TSPEAR: variants seen among roughly 807,000 people sequenced by gnomAD.
TSPEAR encodes the protein thrombospondin-type laminin G domain and EAR repeat-containing protein.
In TSPEAR, 69 loss-of-function variants were observed where a neutral mutation model predicts 71.6. The ratio of observed to expected loss-of-function variants is 0.96; its 90% CI spans 0.79 to 1.18. The LOEUF (loss-of-function observed/expected upper bound fraction) is 1.18. TSPEAR is among the 50% of genes most tolerant of loss of function. TSPEAR has a pLI of 0.00. For synonymous variants in TSPEAR, 402 were observed against 387.2 expected, an observed-to-expected ratio of 1.04 and a Z score of -0.45; for missense variants, 971 against 894.9, an observed-to-expected ratio of 1.09 and a Z score of -1.09.
intron 2 of TSPEAR, among the ~76,000 whole-genome samples, chr21:44,561,886 C>T (rs1012923674): frequency 2.6e-5 from 4 of 152,148 alleles, no homozygotes; most frequent in Non-Finnish European, 5.9e-5. Flanking sequence ...ACTGAATGAG[C>T]AAAAGCTGAA....
chr21:44,629,977 C>T (rs1327511752), intron 1 of TSPEAR, among the ~76,000 whole-genome samples: 5 of 152,100 alleles, frequency 3.3e-5, no homozygotes, highest in Non-Finnish European at 7.4e-5. Context: ...ACAGGGCTGT[C>T]GCGGGGGTCA....
chr21:44,705,696 G>T (rs913858100), intron 1 of TSPEAR, among the ~76,000 whole-genome samples: 2 of 152,168 alleles, frequency 1.3e-5, no homozygotes, highest in African/African-American at 4.8e-5. Flanking sequence ...GGTCAGACCG[G>T]TTGATCTCAA....
intron 9 of TSPEAR, chr21:44,516,547 C>G (rs1452899134): frequency 6.6e-6 from 1 of 152,318 alleles, no homozygotes; most frequent in East Asian, 1.9e-4. Context: ...CTAATAAACA[C>G]CAACACCCGC....
chr21:44,570,458 C>G (rs2053776711), intron 1 of TSPEAR, among the ~76,000 whole-genome samples: 1 of 152,108 alleles, frequency 6.6e-6, no homozygotes, highest in South Asian at 2.1e-4. Flanking sequence ...CTCCTTGACT[C>G]TATCATCGGT....
chr21:44,568,102 CT>C, intron 1 of TSPEAR, 97 bp from the exon 2 acceptor site: 1 of 861,476 alleles, frequency 1.2e-6, no homozygotes, highest in Non-Finnish European at 1.7e-6. Context: ...GTGGCAGGCA[CT>C]TTACATAGCA....
intron 1 of TSPEAR, chr21:44,601,562 G>T: frequency 1.2e-6 from 2 of 1,612,958 alleles, no homozygotes; most frequent in Non-Finnish European, 1.7e-6. Context: ...CTCCTCTGCC[G>T]CCCCGTGTGC....
rs1980104471 is a variant in TSPEAR at position 44,593,046 on chromosome 21, C to T, written c.83-25041G>A. 6.6e-6 allele frequency among the ~76,000 whole-genome samples: 1 copy of T among 152,218 alleles called. No individual in the cohort carries two copies. The highest frequency in any genetic ancestry group is 1.5e-5 in the Non-Finnish European group (1 of 68,032). On this transcript the variant is annotated intron_variant, in intron 1 of 11. Transcript: ENST00000323084. This position sits in a 1 kb window ranked among gnomAD's most constrained non-coding sequence, Gnocchi z 5.9. ...TTGAGCTCTGGACGACTTCTCATCCCCACAGCCTCTTCACCTCCGGCCCTG... is the reference window on the plus strand; with the variant it reads ...TTGAGCTCTGGACGACTTCTCATCCTCACAGCCTCTTCACCTCCGGCCCTG...
chr21:44,660,831 G>A lies in TSPEAR; in HGVS notation c.82+50602C>T, dbSNP rs587695602. ...AAAATACAAAAATCAGCCAGGCATG[G>A]TGGTGGGCCCCTGTAATCCCAGCTA... On this transcript the variant is annotated intron_variant, in intron 1 of 11. Coordinates refer to ENST00000323084, the MANE Select transcript of TSPEAR (RefSeq NM_144991.3). Among the ~76,000 whole-genome samples, 138 of 152,240 alleles carry A rather than the reference G, an allele frequency of 9.1e-4. 1 individual carries two copies. Among genetic ancestry groups the A allele is most frequent in the African/African-American group, 3.0e-3 (126 of 41,550 alleles).
chr21:44,573,184 CT>C (rs2146083022), intron 1 of TSPEAR, among the ~76,000 whole-genome samples: 1 of 152,214 alleles, frequency 6.6e-6, no homozygotes, highest in African/African-American at 2.4e-5. Flanking sequence ...ATTATCTTTA[CT>C]TAGAACCCAA....
At chr21:44,533,615 C>A (rs900295170) in intron 3 of TSPEAR, 70 bp downstream of exon 3, 1 of 1,339,578 alleles carries the variant, frequency 7.5e-7, no homozygotes, top group Non-Finnish European at 1.0e-6. Context: ...TCGGCGAGCA[C>A]GGCTGAAGGA....
At position 44,499,828 on chromosome 21, in the gene TSPEAR, G is replaced by A. The variant is rs781886235; in HGVS notation, c.1965C>T (p.Ser655=). ...TTAGAYLIYS[S]AKEPLSRVLR... ...GGACCCTGGAGAGGGGCTCCTTGGC[G>A]CTGGAGTAGATGAGGTAGGCACCAG... is the stretch of plus-strand genomic sequence containing the variant. Residue 655 remains serine, a synonymous_variant, in exon 12 of 12, where the codon AGC becomes AGT. Coordinates refer to ENST00000323084, the MANE Select transcript of TSPEAR (RefSeq NM_144991.3). 1.0e-5 allele frequency: 16 copies of A among 1,587,882 alleles called. No individual in the cohort carries two copies. The highest frequency in any genetic ancestry group is 1.3e-5 in the African/African-American group (1 of 74,244).
chr21:44,676,740 G>A (rs2838624), intron 1 of TSPEAR: 177 of 793,080 alleles, frequency 2.2e-4, no homozygotes, highest in South Asian at 4.8e-4. Context: ...CTTCCTCTAC[G>A]TTTCTGTCCT....
intron 1 of TSPEAR, among the ~76,000 whole-genome samples, chr21:44,618,866 T>C (rs144181916): frequency 2.0e-5 from 3 of 152,264 alleles, no homozygotes; most frequent in African/African-American, 7.2e-5. Context: ...AAATTTTCAG[T>C]TGGGAAAACA....
intron 1 of TSPEAR, chr21:44,666,833 G>C (rs1431669973): frequency 6.2e-7 from 1 of 1,609,434 alleles, no homozygotes; most frequent in Non-Finnish European, 8.5e-7. Flanking sequence ...GCTGGCAGGG[G>C]CTGGGCGCGC....
intron 1 of TSPEAR, among the ~76,000 whole-genome samples, chr21:44,675,146 C>G (rs1343021256): frequency 6.6e-6 from 1 of 152,114 alleles, no homozygotes; most frequent in Admixed American, 6.6e-5. Context: ...AGACCAATAT[C>G]CCCAATGAAC....
intron 1 of TSPEAR, among the ~76,000 whole-genome samples, chr21:44,658,731 A>T (rs1168120159): frequency 2.0e-5 from 3 of 152,090 alleles, no homozygotes; most frequent in Admixed American, 2.0e-4. Flanking sequence ...CTGTGGGGTA[A>T]TAAGATGTTG....
At chr21:44,615,704 T>A (rs1982046339) in intron 1 of TSPEAR, among the ~76,000 whole-genome samples, 1 of 152,124 alleles carries the variant, frequency 6.6e-6, no homozygotes. Context: ...CAGCTGAAGA[T>A]GGCCAACTTC....
chr21:44,517,909 C>T, intron 9 of TSPEAR: 1 of 468,370 alleles, frequency 2.1e-6, no homozygotes, highest in South Asian at 1.6e-5. Flanking sequence ...CGGTTTTCTT[C>T]AAGCCTTCTC....
intron 1 of TSPEAR, chr21:44,654,219 C>G: frequency 1.4e-6 from 2 of 1,429,998 alleles, no homozygotes; most frequent in South Asian, 1.2e-5. Flanking sequence ...GGCAGGAGTT[C>G]AGAGAGCCTG....
Sources: gnomAD v4.1 joint callset for allele counts (sites outside exome capture counted in the v4.1 genomes callset) on GRCh38, gnomAD v4.1.1 for gene constraint, Gnocchi (gnomAD v3.1) non-coding constraint, MANE v1.5 for transcripts, NCBI Gene and HGNC (gene_info 2026-07-23, HGNC 2026-07-21) for gene names.